The following FAM193A variants were observed in gnomAD, a reference collection of about 807,000 sequenced individuals.
FAM193A encodes the protein protein FAM193A.
Under a neutral mutation model 126.5 loss-of-function variants are expected in FAM193A, and 22 were observed. The ratio of observed to expected loss-of-function variants is 0.17; its 90% CI spans 0.12 to 0.25. The LOEUF (loss-of-function observed/expected upper bound fraction) is 0.25. FAM193A is among the 10% of genes least tolerant of loss of function. FAM193A has a pLI of 1.00. For missense variants in FAM193A, 1,675 were observed against 1,672.8 expected, an observed-to-expected ratio of 1.00 and a Z score of -0.02; for synonymous variants, 761 against 646.8, an observed-to-expected ratio of 1.18 and a Z score of -2.68.
rs1741558174 is a variant in FAM193A at position 2,606,456 on chromosome 4, AAT to A, written c.501+10130_501+10131del. 2.0e-5 allele frequency among the ~76,000 whole-genome samples: 3 copies of A among 152,226 alleles called. No homozygotes were observed. In the South Asian group the frequency reaches 6.2e-4, roughly 32 times the overall value. ...TTGTTCTGATTGAAGTATTTGAAGA[AAT>A]ATTTTATTGGCTTTTTTAGAGAATT... On this transcript the variant is annotated intron_variant, in intron 2 of 20. Transcript: ENST00000637812.
chr4:2,620,860 T>TAAAAAAAAAAAAAAAAAAAAAAAAAA (rs1742505884), intron 2 of FAM193A, among the ~76,000 whole-genome samples: 3 of 113,882 alleles, frequency 2.6e-5, no homozygotes, highest in Non-Finnish European at 5.4e-5. Context: ...AAAAAAAAAG[T>TAAAAAAAAAAAAAAAAAAAAAAAAAA]AATTAACAAG....
intron 2 of FAM193A, among the ~76,000 whole-genome samples, chr4:2,612,465 C>T (rs1439555692): frequency 6.6e-6 from 1 of 152,102 alleles, no homozygotes; most frequent in Admixed American, 6.6e-5. Context: ...CACCACTGTA[C>T]TCCAGCCTGG....
intron 1 of FAM193A, among the ~76,000 whole-genome samples, chr4:2,595,195 C>T (rs1054031715): frequency 2.0e-5 from 3 of 152,000 alleles, no homozygotes; most frequent in Non-Finnish European, 4.4e-5. Context: ...ACTACAGGCA[C>T]GCACCACTAT....
intron 1 of FAM193A, among the ~76,000 whole-genome samples, chr4:2,577,834 A>G (rs1739696419): frequency 6.6e-6 from 1 of 152,186 alleles, no homozygotes; most frequent in African/African-American, 2.4e-5. Flanking sequence ...CCCTCAAAAT[A>G]ATACTAGCAA....
intron 2 of FAM193A, among the ~76,000 whole-genome samples, chr4:2,616,731 G>T (rs1480883091): frequency 6.6e-6 from 1 of 151,282 alleles, no homozygotes; most frequent in Non-Finnish European, 1.5e-5. Context: ...AGCTAATTTT[G>T]TTTTTGTATT....
intron 13 of FAM193A, among the ~76,000 whole-genome samples, chr4:2,681,654 A>G (rs111589064): frequency 2.6e-5 from 4 of 151,912 alleles, no homozygotes; most frequent in Non-Finnish European, 5.9e-5. Context: ...GTAGGGACGG[A>G]GGTCTCACCA....
At chr4:2,671,522 C>A (rs1713780456) in intron 12 of FAM193A, among the ~76,000 whole-genome samples, 2 of 152,214 alleles carry the variant, frequency 1.3e-5, no homozygotes, top group South Asian at 2.1e-4. Flanking sequence ...GAGTCCCAGA[C>A]AAGAAAGCCA....
intron 7 of FAM193A, among the ~76,000 whole-genome samples, chr4:2,651,789 C>A (rs1745696120): frequency 6.6e-6 from 1 of 152,158 alleles, no homozygotes; most frequent in South Asian, 2.1e-4. Context: ...CAGACTGGAT[C>A]CCCCTGGCAG....
At position 2,667,904 on chromosome 4, in the gene FAM193A, G is replaced by A. The variant is rs578008974; in HGVS notation, c.2080-4217G>A. Among the ~76,000 whole-genome samples, 4 of 152,224 alleles carry A rather than the reference G, an allele frequency of 2.6e-5. No individual in the cohort carries two copies. In the South Asian group the frequency reaches 6.2e-4, roughly 24 times the overall value. ...AGAAACAAAAATTAAAATACAATAT[G>A]TATCTCTTTTTTTCTTAGAGACAGG... On this transcript the variant is annotated intron_variant, in intron 12 of 20. Coordinates refer to ENST00000637812, the MANE Select transcript of FAM193A (RefSeq NM_001366318.2).
At chr4:2,552,225 A>G (rs960942094) in intron 1 of FAM193A, among the ~76,000 whole-genome samples, 1 of 151,730 alleles carries the variant, frequency 6.6e-6, no homozygotes, top group African/African-American at 2.4e-5. Context: ...GTTAGCTAGG[A>G]TGATCTCGAC....
chr4:2,632,803 C>T (rs1252552173), intron 5 of FAM193A, among the ~76,000 whole-genome samples: 4 of 152,158 alleles, frequency 2.6e-5, no homozygotes, highest in African/African-American at 9.7e-5. Context: ...GCAGCACAGC[C>T]TCCCCGTCTC....
intron 20 of FAM193A, 108 bp from the exon 21 acceptor site, chr4:2,731,667 C>A: frequency 3.7e-6 from 3 of 815,198 alleles, no homozygotes; most frequent in South Asian, 1.5e-5. Context: ...AAACCCCTGA[C>A]CCCGCAGTGA....
At chr4:2,627,629 G>T (rs565686346) in intron 4 of FAM193A, among the ~76,000 whole-genome samples, 3 of 128,938 alleles carry the variant, frequency 2.3e-5, no homozygotes, top group Admixed American at 9.2e-5. Flanking sequence ...CCAGGCTGAT[G>T]TGCAGTGGTG....
intron 1 of FAM193A, among the ~76,000 whole-genome samples, chr4:2,579,155 G>T (rs748140496): frequency 6.6e-6 from 1 of 151,462 alleles, no homozygotes. Context: ...TCACCACTAC[G>T]CCTGGCCAGC....
chr4:2,603,451 ATTTTTT>A (rs71178489), intron 2 of FAM193A, among the ~76,000 whole-genome samples: 2 of 99,296 alleles, frequency 2.0e-5, no homozygotes, highest in Admixed American at 1.1e-4. Context: ...CGCCCAGCTA[ATTTTTT>A]TTTTTTTTTT....
chr4:2,663,663 A>T (rs1712753356), intron 12 of FAM193A, among the ~76,000 whole-genome samples: 1 of 152,166 alleles, frequency 6.6e-6, no homozygotes, highest in Non-Finnish European at 1.5e-5. Context: ...AATTTCATAA[A>T]TAGATGCTTA....
At chr4:2,727,671 T>C (rs1470468308) in intron 20 of FAM193A, among the ~76,000 whole-genome samples, 4 of 152,232 alleles carry the variant, frequency 2.6e-5, no homozygotes, top group Non-Finnish European at 4.4e-5. Flanking sequence ...ATACTGGGTA[T>C]TGTTGAGCTG....
intron 7 of FAM193A, among the ~76,000 whole-genome samples, chr4:2,650,976 ACTGGAGGGTGGCATCAGAC>A (rs1483839847): frequency 6.6e-6 from 1 of 152,082 alleles, no homozygotes; most frequent in African/African-American, 2.4e-5. Context: ...TGGTGAATCC[ACTGGAGGGTGGCATCAGAC>A]CTGGAGGGGT....
upstream of FAM193A, among the ~76,000 whole-genome samples, chr4:2,535,719 G>A (rs887935128): frequency 6.6e-6 from 1 of 152,202 alleles, no homozygotes; most frequent in African/African-American, 2.4e-5. Flanking sequence ...TCCCCGAGGT[G>A]CGTGAGTGCG....
Sources: allele counts gnomAD v4.1 joint callset (sites outside exome capture counted in the v4.1 genomes callset), GRCh38; gene constraint gnomAD v4.1.1; transcripts MANE v1.5; gene names NCBI Gene and HGNC (gene_info 2026-07-23, HGNC 2026-07-21).